The following SYNPR variants were observed in gnomAD, a reference collection of about 807,000 sequenced individuals.
SYNPR encodes synaptoporin.
SYNPR carries 23 observed loss-of-function variants against 32.9 expected under a neutral mutation model. The observed-to-expected ratio is 0.70, with a 90% CI of 0.50 to 0.99. The LOEUF is 0.99. Ranked by LOEUF, SYNPR falls within the 50% of genes least tolerant of loss-of-function variation. SYNPR has a pLI of 0.00. For synonymous variants in SYNPR, 146 were observed against 135.9 expected (o/e 1.07, Z -0.52); for missense variants, 318 against 349.3 (o/e 0.91, Z 0.71).
chr3:63,251,972 G>C (rs1293506703), intron 1 of SYNPR, among the ~76,000 whole-genome samples: 1 of 151,876 alleles, frequency 6.6e-6, no homozygotes, highest in Admixed American at 6.6e-5. Flanking sequence ...TTCCATACTT[G>C]AGTTAGTGAA....
intron 4 of SYNPR, among the ~76,000 whole-genome samples, chr3:63,591,442 C>A (rs1198413519): frequency 1.6e-4 from 19 of 121,166 alleles, no homozygotes; most frequent in Non-Finnish European, 2.4e-4. Context: ...TTGACCCAGC[C>A]ATCCCATTAC....
chr3:63,265,722 G>C (rs912252677), intron 2 of SYNPR, among the ~76,000 whole-genome samples: 1 of 152,132 alleles, frequency 6.6e-6, no homozygotes, highest in Non-Finnish European at 1.5e-5. Context: ...CTAGAATGTA[G>C]GAAGCAGGAA....
intron 3 of SYNPR, among the ~76,000 whole-genome samples, chr3:63,530,570 T>C (rs1301802635): frequency 2.6e-5 from 4 of 152,186 alleles, no homozygotes; most frequent in Non-Finnish European, 5.9e-5. Flanking sequence ...ATGCGTTCCA[T>C]TAATAGTAGC....
At chr3:63,217,731 G>A in the SYNPR span, among the ~76,000 whole-genome samples, 210 of 152,270 alleles carry the variant, frequency 1.4e-3, no homozygotes, top group African/African-American at 4.9e-3. Flanking sequence ...TCTTTCTTTA[G>A]TTGGGGATTT....
intron 4 of SYNPR, among the ~76,000 whole-genome samples, chr3:63,581,417 T>C (rs1029921207): frequency 1.3e-5 from 2 of 152,184 alleles, no homozygotes; most frequent in East Asian, 1.9e-4. Context: ...GTAGATTGCA[T>C]TGTATAGTCA....
chr3:63,366,679 T>C (rs1429694976), intron 2 of SYNPR, among the ~76,000 whole-genome samples: 1 of 152,210 alleles, frequency 6.6e-6, no homozygotes, highest in Admixed American at 6.5e-5. Context: ...ATAGTTTCTA[T>C]CAAAGAGTTA....
chr3:63,227,381 TACA>T (rs2086136002), upstream of SYNPR, among the ~76,000 whole-genome samples: 1 of 152,216 alleles, frequency 6.6e-6, no homozygotes, highest in Non-Finnish European at 1.5e-5. Context: ...ACAGCCCATC[TACA>T]ACAAGTAGGA....
chr3:63,406,189 G>T (rs886335568), intron 2 of SYNPR, among the ~76,000 whole-genome samples: 7 of 150,606 alleles, frequency 4.6e-5, no homozygotes, highest in African/African-American at 1.7e-4. Context: ...AGGTGCGTGG[G>T]TTTAGAATGC....
intron 2 of SYNPR, among the ~76,000 whole-genome samples, chr3:63,406,469 T>C (rs1047515454): frequency 6.6e-6 from 1 of 151,286 alleles, no homozygotes; most frequent in Non-Finnish European, 1.5e-5. Context: ...GTGATGTGAT[T>C]CCATTTTTTT....
intron 3 of SYNPR, among the ~76,000 whole-genome samples, chr3:63,545,736 A>G (rs1197208746): frequency 6.6e-6 from 1 of 152,110 alleles, no homozygotes; most frequent in Non-Finnish European, 1.5e-5. Flanking sequence ...AGATTAAATT[A>G]TGAAGAACCT....
intron 1 of SYNPR, among the ~76,000 whole-genome samples, chr3:63,245,046 G>A (rs1313272391): frequency 2.0e-5 from 3 of 152,062 alleles, no homozygotes; most frequent in Non-Finnish European, 4.4e-5. Flanking sequence ...TTTCTGCCAT[G>A]GCTATCTTCA....
chr3:63,307,914 A>T (rs919521931), intron 2 of SYNPR, among the ~76,000 whole-genome samples: 1 of 152,004 alleles, frequency 6.6e-6, no homozygotes. Flanking sequence ...CAGACTTGAG[A>T]AGAACATAGT....
intron 2 of SYNPR, among the ~76,000 whole-genome samples, chr3:63,314,099 C>CCATATATATATATATCCATAT (rs1560189224): frequency 2.7e-5 from 3 of 111,274 alleles, no homozygotes; most frequent in Non-Finnish European, 3.7e-5. Flanking sequence ...ATATATATAT[C>CCATATATATATATATCCATAT]ACAGTTTCTT....
upstream of SYNPR, among the ~76,000 whole-genome samples, chr3:63,274,521 G>C (rs1045931499): frequency 6.6e-6 from 1 of 152,176 alleles, no homozygotes. Flanking sequence ...GATTCAAAAT[G>C]GTTGGTTTGT....
At chr3:63,413,271 T>A (rs1378928112) in intron 2 of SYNPR, among the ~76,000 whole-genome samples, 1 of 152,198 alleles carries the variant, frequency 6.6e-6, no homozygotes, top group Non-Finnish European at 1.5e-5. Context: ...TTTTATCATA[T>A]TCCATGACTC....
intron 3 of SYNPR, among the ~76,000 whole-genome samples, chr3:63,543,936 C>A (rs961651757): frequency 1.3e-5 from 2 of 151,858 alleles, no homozygotes; most frequent in African/African-American, 4.8e-5. Flanking sequence ...GGTGGCGGGG[C>A]GTTATTCTAG....
At chr3:63,327,499 G>T (rs1575599327) in intron 2 of SYNPR, among the ~76,000 whole-genome samples, 1 of 151,970 alleles carries the variant, frequency 6.6e-6, no homozygotes, top group African/African-American at 2.4e-5. Flanking sequence ...TTTCCCAAAA[G>T]ACACAAATAA....
intron 3 of SYNPR, among the ~76,000 whole-genome samples, chr3:63,532,028 C>T (rs73831883): frequency 0.12 from 17,840 of 152,238 alleles, 1,208 homozygotes; most frequent in Middle Eastern, 0.22. Flanking sequence ...TAATGACTTA[C>T]GATATCTTTC....
chr3:63,304,457 A>AAG, intron 2 of SYNPR, among the ~76,000 whole-genome samples: 1 of 151,690 alleles, frequency 6.6e-6, no homozygotes, highest in Non-Finnish European at 1.5e-5. Flanking sequence ...TATGAGCAAA[A>AAG]GAGAGACCAG....
Sources: gnomAD v4.1 joint callset for allele counts (sites outside exome capture counted in the v4.1 genomes callset) on GRCh38, gnomAD v4.1.1 for gene constraint, MANE v1.5 for transcripts, NCBI Gene and HGNC (gene_info 2026-07-23, HGNC 2026-07-21) for gene names.